Variants in ODAD2 observed in about 807,000 individuals in gnomAD.
ODAD2 encodes outer dynein arm-docking complex subunit 2.
ODAD2 carries 89 observed loss-of-function variants against 106.8 expected under a neutral mutation model. The ratio of observed to expected loss-of-function variants is 0.83; its 90% CI spans 0.70 to 0.99. The LOEUF is 0.99. Ranked by LOEUF, ODAD2 falls within the 50% of genes least tolerant of loss-of-function variation. The pLI, the probability that ODAD2 is intolerant of heterozygous loss-of-function variation, is 0.00. For synonymous variants in ODAD2, 404 were observed against 436.2 expected, an observed-to-expected ratio of 0.93 and a Z score of 0.92; for missense variants, 1,168 against 1,238.5, an observed-to-expected ratio of 0.94 and a Z score of 0.85.
chr10:27,976,115 A>G (rs2133045552), intron 7 of ODAD2, among the ~76,000 whole-genome samples: 1 of 152,240 alleles, frequency 6.6e-6, no homozygotes, highest in South Asian at 2.1e-4. Flanking sequence ...AAAGTTCTCA[A>G]TGACTCAGAA....
intron 17 of ODAD2, among the ~76,000 whole-genome samples, chr10:27,881,750 T>G (rs899594009): frequency 6.6e-6 from 1 of 152,216 alleles, no homozygotes; most frequent in Non-Finnish European, 1.5e-5. Flanking sequence ...ATTTGGTAAA[T>G]TAGGAGCCTC....
At chr10:27,874,700 T>G (rs1202138442) in intron 17 of ODAD2, among the ~76,000 whole-genome samples, 1 of 152,232 alleles carries the variant, frequency 6.6e-6, no homozygotes, top group Non-Finnish European at 1.5e-5. Context: ...CCTTTTGTCT[T>G]GTAGGGTTTC....
intron 9 of ODAD2, among the ~76,000 whole-genome samples, chr10:27,965,873 G>T (rs1848457835): frequency 6.6e-6 from 1 of 152,162 alleles, no homozygotes; most frequent in Non-Finnish European, 1.5e-5. Context: ...CGCTCTAGAA[G>T]TTTCTAACTC....
rs780112130 is a variant in ODAD2 at position 27,935,219 on chromosome 10, C to T, written c.2286G>A (p.Val762=). 6.2e-6 allele frequency: 10 copies of T among 1,613,828 alleles called. No homozygotes were observed. Among genetic ancestry groups the T allele is most frequent in the Non-Finnish European group, 7.6e-6 (9 of 1,179,862 alleles). ...FREYKAIETL[V]GLLTDQPEEV... Reference sequence around the variant, plus strand: ...CTTCAGGCTGATCTGTTAGAAGTCCCACCAAGGTTTCAATGGCTTTGTATT... The same window carrying T: ...CTTCAGGCTGATCTGTTAGAAGTCCTACCAAGGTTTCAATGGCTTTGTATT... Residue 762 remains valine (V), a synonymous_variant, in exon 16 of 20, where the codon GTG becomes GTA. Transcript: ENST00000305242.
intron 19 of ODAD2, among the ~76,000 whole-genome samples, chr10:27,830,454 T>C (rs1044324524): frequency 2.0e-5 from 3 of 152,246 alleles, no homozygotes; most frequent in Admixed American, 1.3e-4. Context: ...ATGTGGCTGA[T>C]AGATAGCCTT....
rs576936140 is a variant in ODAD2 at position 27,961,504 on chromosome 10, T to C, written c.1386+64A>G. On this transcript the variant is annotated intron_variant, in intron 10 of 19. Transcript: ENST00000305242. The stretch of plus-strand genomic sequence containing the variant: ...ACGTAAAGTAAACTTGGAAGCAGCA[T>C]ATACATCTTTGGGAAAGTATTTTAA... 1.2e-5 allele frequency: 18 copies of C among 1,441,662 alleles called. No homozygotes were observed. The African/African-American group carries it at 2.3e-4, about 18-fold the overall frequency. The allele number at this position is 1,441,662 out of a possible 1,614,324, so 89.3% of individuals were successfully genotyped here.
intron 3 of ODAD2, among the ~76,000 whole-genome samples, chr10:27,986,090 C>T (rs566948711): frequency 7.2e-5 from 11 of 152,160 alleles, no homozygotes; most frequent in African/African-American, 2.7e-4. Context: ...ATTAACATTC[C>T]CATGTGGTCA....
In ODAD2 at chr10:27,860,948, T is replaced by C. The variant is rs1840001971; in HGVS notation, c.2800-102A>G. 9 of 1,002,760 alleles carry C rather than the reference T, an allele frequency of 9.0e-6. No individual in the cohort carries two copies. In the East Asian group the frequency reaches 2.3e-4, roughly 25 times the overall value. The allele number at this position is 1,002,760 out of a possible 1,614,324, so 62.1% of individuals were successfully genotyped here. ...TATTAACCATTAAGACACCAATGAG[T>C]CTAGAGAAAAGGGCTAGCTGGCTGA... On this transcript the variant is annotated intron_variant, in intron 18 of 19. Coordinates refer to ENST00000305242, the MANE Select transcript of ODAD2 (RefSeq NM_018076.5).
At chr10:27,890,995 C>G (rs1225358729) in intron 17 of ODAD2, among the ~76,000 whole-genome samples, 2 of 152,154 alleles carry the variant, frequency 1.3e-5, no homozygotes, top group Non-Finnish European at 2.9e-5. Context: ...ATATATTCGA[C>G]AGCCCAAACA....
At chr10:27,958,869 A>T in intron 10 of ODAD2, 1 of 1,303,628 alleles carries the variant, frequency 7.7e-7, no homozygotes, top group South Asian at 1.2e-5. Context: ...CAGAATTTCA[A>T]CTCAACTGGT....
intron 19 of ODAD2, among the ~76,000 whole-genome samples, chr10:27,826,129 G>T (rs77927522): frequency 6.6e-6 from 1 of 152,184 alleles, no homozygotes; most frequent in African/African-American, 2.4e-5. Flanking sequence ...AGAAATTCCA[G>T]GTTCTGGAGG....
chr10:27,854,183 T>C (rs1839491552), intron 19 of ODAD2, among the ~76,000 whole-genome samples: 1 of 152,180 alleles, frequency 6.6e-6, no homozygotes. Flanking sequence ...TACCATGACA[T>C]ACCTGTTAGA....
intron 9 of ODAD2, 69 bp from the exon 10 acceptor site, chr10:27,961,784 G>C: frequency 7.3e-7 from 1 of 1,366,442 alleles, no homozygotes; most frequent in Non-Finnish European, 1.0e-6. Flanking sequence ...CCTACATGGG[G>C]CCAGGTGCAG....
At chr10:27,839,618 T>G (rs1368794983) in intron 19 of ODAD2, among the ~76,000 whole-genome samples, 1 of 152,226 alleles carries the variant, frequency 6.6e-6, no homozygotes, top group African/African-American at 2.4e-5. Context: ...GCAGCTAATT[T>G]AAAGCAGTGG....
chr10:27,914,221 G>A (rs1206775173), intron 16 of ODAD2, among the ~76,000 whole-genome samples: 1 of 152,024 alleles, frequency 6.6e-6, no homozygotes, highest in Admixed American at 6.6e-5. Context: ...AACACATCGA[G>A]AGGCACAAAA....
chr10:27,987,542 C>A lies in ODAD2; in HGVS notation c.226G>T (p.Glu76Ter), dbSNP rs762995394. Residue 76 changes from glutamate (E) to a stop codon, truncating the protein, a stop_gained and splice_region_variant, in exon 3 of 20, where the codon GAA becomes TAA. Coordinates refer to ENST00000305242, the MANE Select transcript of ODAD2 (RefSeq NM_018076.5). LOFTEE classifies it high-confidence loss of function. ...ACTTCTTCTGATTTGACTGTTGTTT[C>A]ACTAAAAAATAAAAATAAAAAATTG... ...SAFESGYVVS[E>*]TTVKSEEVDK... is the part of the protein sequence containing the mutation. The A allele has an allele frequency of 6.3e-7, 1 of 1,599,590 alleles. No individual in the cohort carries two copies.
chr10:27,920,385 A>C (rs1164951882), intron 16 of ODAD2, among the ~76,000 whole-genome samples: 2 of 152,232 alleles, frequency 1.3e-5, no homozygotes, highest in Non-Finnish European at 2.9e-5. Flanking sequence ...CACTCACAGT[A>C]AATAGTACTG....
intron 16 of ODAD2, among the ~76,000 whole-genome samples, chr10:27,912,129 G>A (rs2133892398): frequency 6.6e-6 from 1 of 152,244 alleles, no homozygotes; most frequent in East Asian, 1.9e-4. Context: ...GGGCTTATAG[G>A]TGGTGTTAAT....
At chr10:27,818,269 C>T (rs1003223039) in intron 19 of ODAD2, among the ~76,000 whole-genome samples, 16 of 151,968 alleles carry the variant, frequency 1.1e-4, no homozygotes, top group African/African-American at 3.9e-4. Context: ...AAGGGATTGA[C>T]TTGATCCTTT....
Sources: allele counts gnomAD v4.1 joint callset (sites outside exome capture counted in the v4.1 genomes callset), GRCh38; gene constraint gnomAD v4.1.1; transcripts MANE v1.5; gene names NCBI Gene and HGNC (gene_info 2026-07-23, HGNC 2026-07-21).